Variants in RERE observed in about 807,000 individuals in gnomAD.
RERE encodes the protein arginine-glutamic acid dipeptide repeats protein.
A neutral mutation model predicts 146.1 loss-of-function variants in RERE; 40 were observed. That is an observed-to-expected ratio of 0.27 (90% CI 0.21 to 0.36). The LOEUF is 0.36. Ranked by LOEUF, RERE falls within the 10% of genes least tolerant of loss-of-function variation. RERE has a pLI of 1.00. For synonymous variants in RERE, 1,003 were observed against 866.0 expected (o/e 1.16, Z -2.78); for missense variants, 1,933 against 2,138.7 (o/e 0.90, Z 1.90).
intron 1 of RERE, among the ~76,000 whole-genome samples, chr1:8,747,937 G>C (rs1317984789): frequency 6.6e-6 from 1 of 152,060 alleles, no homozygotes; most frequent in Non-Finnish European, 1.5e-5. Context: ...ACCACACCCA[G>C]CTAATTTTTG....
intron 7 of RERE, among the ~76,000 whole-genome samples, chr1:8,529,366 T>C (rs1044672203): frequency 1.0e-4 from 15 of 143,298 alleles, no homozygotes; most frequent in African/African-American, 3.9e-4. Context: ...CTCAGCTCAC[T>C]GCAAGCTCCG....
At chr1:8,487,327 A>C (rs1644915140) in intron 10 of RERE, among the ~76,000 whole-genome samples, 1 of 152,138 alleles carries the variant, frequency 6.6e-6, no homozygotes, top group Non-Finnish European at 1.5e-5. Flanking sequence ...TTACACCTAT[A>C]ATCTCAGCAT....
chr1:8,720,881 C>A (rs1639851660), intron 1 of RERE, among the ~76,000 whole-genome samples: 1 of 152,114 alleles, frequency 6.6e-6, no homozygotes, highest in Non-Finnish European at 1.5e-5. Context: ...CACGGTGCAA[C>A]CCCGTCTCTA....
At chr1:8,763,722 C>T (rs1640796639) in intron 1 of RERE, among the ~76,000 whole-genome samples, 1 of 152,088 alleles carries the variant, frequency 6.6e-6, no homozygotes, top group Admixed American at 6.6e-5. Context: ...AGGCGGATCA[C>T]GAGGTCAGGA....
At chr1:8,520,759 A>AAAAAAAC (rs1208737824) in intron 7 of RERE, among the ~76,000 whole-genome samples, 4 of 149,194 alleles carry the variant, frequency 2.7e-5, no homozygotes, top group South Asian at 2.1e-4. Flanking sequence ...CTTTTTAAAA[A>AAAAAAAC]AAAAAAAAAA....
chr1:8,789,301 A>AAAAAAAAATATAT, intron 1 of RERE, among the ~76,000 whole-genome samples: 1 of 24,814 alleles, frequency 4.0e-5, no homozygotes, highest in Admixed American at 6.6e-4. Flanking sequence ...AAAAAAAAAA[A>AAAAAAAAATATAT]ATATATATAT....
intron 12 of RERE, among the ~76,000 whole-genome samples, chr1:8,383,219 C>T (rs2124410650): frequency 6.6e-6 from 1 of 151,880 alleles, no homozygotes; most frequent in Non-Finnish European, 1.5e-5. Flanking sequence ...AAGATCTCAG[C>T]TGCAACCAGC....
intron 6 of RERE, among the ~76,000 whole-genome samples, chr1:8,542,694 G>A (rs1208805632): frequency 1.3e-5 from 2 of 152,020 alleles, no homozygotes; most frequent in Non-Finnish European, 2.9e-5. Flanking sequence ...TTTTGTAGAT[G>A]GGAGTCTCAC....
rs748545158 is a variant in RERE at position 8,497,485 on chromosome 1, A to G, written c.924T>C (p.Asp308=). The change falls in exon 9 of 23, where the codon GAT becomes GAC. Residue 308 remains aspartate, a synonymous_variant. Coordinates refer to ENST00000400908, the MANE Select transcript of RERE (RefSeq NM_001042681.2). ...CCAGTTCCTCATGTTGGGTCACTGT[A>G]TCACCATCTGGAGAAGGAAATGGTT... ...DLQPFPSPDG[D]TVTQHEELVW... is the part of the protein sequence containing the mutation. The G allele has an allele frequency of 3.1e-6, 5 of 1,614,160 alleles. No homozygotes were observed. Among genetic ancestry groups the G allele is most frequent in the Non-Finnish European group, 4.2e-6 (5 of 1,179,988 alleles).
intron 20 of RERE, among the ~76,000 whole-genome samples, chr1:8,357,460 C>A (rs1641339852): frequency 6.6e-6 from 1 of 152,206 alleles, no homozygotes. Flanking sequence ...GTCATCCTGC[C>A]CCACACTGGA....
At chr1:8,677,436 A>G (rs1557475330) in intron 1 of RERE, among the ~76,000 whole-genome samples, 1 of 151,406 alleles carries the variant, frequency 6.6e-6, no homozygotes, top group African/African-American at 2.4e-5. Flanking sequence ...AAAAAAAAAA[A>G]AAAAGAAAGA....
chr1:8,495,978 T>C (rs1645039974), intron 9 of RERE, among the ~76,000 whole-genome samples: 1 of 151,714 alleles, frequency 6.6e-6, no homozygotes, highest in Non-Finnish European at 1.5e-5. Context: ...GAGTTCAAAA[T>C]CAGCCCTGAC....
intron 1 of RERE, among the ~76,000 whole-genome samples, chr1:8,682,134 C>T (rs892438588): frequency 2.0e-5 from 3 of 152,164 alleles, no homozygotes; most frequent in African/African-American, 7.2e-5. Context: ...CTTACCACCC[C>T]CAACCTGTAC....
chr1:8,468,899 A>G (rs568542541), intron 10 of RERE, among the ~76,000 whole-genome samples: 1 of 148,730 alleles, frequency 6.7e-6, no homozygotes, highest in African/African-American at 2.5e-5. Flanking sequence ...CCTGCCTCCA[A>G]TAAAAAAAAA....
intron 1 of RERE, among the ~76,000 whole-genome samples, chr1:8,702,120 T>C (rs959436721): frequency 2.6e-5 from 4 of 151,268 alleles, no homozygotes; most frequent in Admixed American, 2.6e-4. Context: ...GGCACAGAAT[T>C]GTGAGGACTT....
At chr1:8,355,175 C>G (rs1889854) in intron 22 of RERE, 55 bp from the exon 23 acceptor site, 25 of 1,592,692 alleles carry the variant, frequency 1.6e-5, no homozygotes, top group Non-Finnish European at 1.9e-5. Context: ...CAGGCAGTCA[C>G]GCAGGCTGGA....
intron 1 of RERE, among the ~76,000 whole-genome samples, chr1:8,763,270 A>T (rs796676348): frequency 5.9e-5 from 9 of 152,312 alleles, no homozygotes; most frequent in African/African-American, 2.2e-4. Context: ...AAAATAAGTA[A>T]GAGGTACTTC....
chr1:8,533,548 G>A (rs1375881501), intron 7 of RERE, among the ~76,000 whole-genome samples: 2 of 152,146 alleles, frequency 1.3e-5, no homozygotes. Flanking sequence ...GTATCTTGAA[G>A]GGTTTACTGG....
chr1:8,815,876 T>C (rs1157718789), intron 1 of RERE, among the ~76,000 whole-genome samples: 6 of 152,024 alleles, frequency 3.9e-5, no homozygotes, highest in Non-Finnish European at 7.4e-5. Context: ...TGTGTGTCTG[T>C]CTGCCTCTGC....
Sources: allele counts gnomAD v4.1 joint callset (sites outside exome capture counted in the v4.1 genomes callset), GRCh38; gene constraint gnomAD v4.1.1; transcripts MANE v1.5; gene names NCBI Gene and HGNC (gene_info 2026-07-23, HGNC 2026-07-21).